The following NBAS variants were observed in gnomAD, a reference collection of about 807,000 sequenced individuals.
The protein encoded by NBAS is NBAS subunit of NRZ tethering complex.
Under a neutral mutation model 302.5 loss-of-function variants are expected in NBAS, and 219 were observed. The ratio of observed to expected loss-of-function variants is 0.72; its 90% CI spans 0.65 to 0.81. NBAS has a LOEUF of 0.81. NBAS is among the 30% of genes least tolerant of loss of function. NBAS has a pLI of 0.00. For synonymous variants in NBAS, 1,118 were observed against 1,021.6 expected (o/e 1.09, Z -1.80); for missense variants, 2,932 against 2,841.6 (o/e 1.03, Z -0.72).
intron 10 of NBAS, among the ~76,000 whole-genome samples, chr2:15,504,657 T>C (rs1024946573): frequency 1.3e-5 from 2 of 152,154 alleles, no homozygotes; most frequent in African/African-American, 2.4e-5. Flanking sequence ...TAATTTAATA[T>C]AACACATGAC....
chr2:15,328,437 T>C (rs1672177033), intron 36 of NBAS, 125 bp from the exon 37 acceptor site: 2 of 782,748 alleles, frequency 2.6e-6, no homozygotes, highest in East Asian at 2.5e-5. Flanking sequence ...AAGAAACTGG[T>C]AATGCCTGCT....
chr2:15,062,614 G>C, the NBAS span, among the ~76,000 whole-genome samples: 1 of 152,196 alleles, frequency 6.6e-6, no homozygotes, highest in African/African-American at 2.4e-5. Context: ...AAATTATAGA[G>C]AGTGGTGAGG....
the NBAS span, among the ~76,000 whole-genome samples, chr2:15,077,518 G>A: frequency 6.6e-6 from 1 of 152,160 alleles, no homozygotes; most frequent in Non-Finnish European, 1.5e-5. Context: ...CCATCGAAGA[G>A]ATTATTGTTC....
chr2:15,253,967 G>T (rs1668472040), intron 44 of NBAS, among the ~76,000 whole-genome samples: 1 of 152,158 alleles, frequency 6.6e-6, no homozygotes, highest in East Asian at 1.9e-4. Flanking sequence ...AACCGCCTTT[G>T]TAAAGTGAGT....
chr2:14,838,300 T>A, the NBAS span, among the ~76,000 whole-genome samples: 1 of 152,040 alleles, frequency 6.6e-6, no homozygotes, highest in Non-Finnish European at 1.5e-5. Context: ...TGTCTTCTGC[T>A]ATACTTTTCA....
chr2:14,837,915 A>G, the NBAS span, among the ~76,000 whole-genome samples: 1 of 151,770 alleles, frequency 6.6e-6, no homozygotes, highest in South Asian at 2.1e-4. Flanking sequence ...CTGGAAAATC[A>G]TTTGCTTTTA....
intron 44 of NBAS, among the ~76,000 whole-genome samples, chr2:15,248,370 AC>A (rs1463664987): frequency 6.6e-6 from 1 of 152,216 alleles, no homozygotes; most frequent in Non-Finnish European, 1.5e-5. Context: ...TAAAGTTGAC[AC>A]CCTGACATCA....
At chr2:14,924,064 A>G in the NBAS span, among the ~76,000 whole-genome samples, 1 of 152,190 alleles carries the variant, frequency 6.6e-6, no homozygotes, top group Non-Finnish European at 1.5e-5. Context: ...CACACAGAAT[A>G]CATCTGCCAC....
the NBAS span, among the ~76,000 whole-genome samples, chr2:14,895,299 A>C: frequency 6.6e-6 from 1 of 152,304 alleles, no homozygotes; most frequent in Non-Finnish European, 1.5e-5. Context: ...TTTGACAAGA[A>C]GGTAAATATT....
chr2:15,099,057 A>G, the NBAS span, among the ~76,000 whole-genome samples: 3 of 152,258 alleles, frequency 2.0e-5, no homozygotes, highest in Non-Finnish European at 2.9e-5. Context: ...CTGTAATCCC[A>G]GCACTTTGGG....
chr2:15,417,698 C>CA lies in NBAS; in HGVS notation c.2591dup (p.Leu864PhefsTer20), dbSNP rs1229622920. 3.1e-6 allele frequency: 5 copies of CA among 1,613,890 alleles called. No homozygotes were observed. The highest frequency in any genetic ancestry group is 4.2e-6 in the Non-Finnish European group (5 of 1,179,876). Reference sequence around the variant, plus strand: ...GCTCCATCCCAAGTCGAATAAGTGACAATGCACAGTCCACCTAAAATTGAA... The same window carrying CA: ...GCTCCATCCCAAGTCGAATAAGTGACAAATGCACAGTCCACCTAAAATTGAA... On this transcript the variant is annotated frameshift_variant, in exon 24 of 52. Coordinates refer to ENST00000281513, the MANE Select transcript of NBAS (RefSeq NM_015909.4). LOFTEE classifies it high-confidence loss of function.
chr2:14,953,272 G>A, the NBAS span, among the ~76,000 whole-genome samples: 1 of 152,196 alleles, frequency 6.6e-6, no homozygotes, highest in Admixed American at 6.5e-5. Flanking sequence ...CTGTATCAGG[G>A]AGGATGATGA....
chr2:15,554,832 A>G (rs1294444438), intron 3 of NBAS, among the ~76,000 whole-genome samples: 2 of 151,972 alleles, frequency 1.3e-5, no homozygotes, highest in African/African-American at 2.4e-5. Flanking sequence ...GTAAAAGTCC[A>G]AGTCTGTACT....
At chr2:15,342,824 T>C (rs1672917634) in intron 35 of NBAS, among the ~76,000 whole-genome samples, 1 of 152,072 alleles carries the variant, frequency 6.6e-6, no homozygotes, top group Admixed American at 6.6e-5. Flanking sequence ...CCGGATAATG[T>C]CAATATCCCT....
chr2:15,482,199 C>A (rs1426119043), intron 12 of NBAS, among the ~76,000 whole-genome samples: 2 of 152,156 alleles, frequency 1.3e-5, no homozygotes, highest in Non-Finnish European at 2.9e-5. Flanking sequence ...GGCGTGGTCA[C>A]GGCTCACTAC....
rs373687613 is a variant in NBAS, at chr2:15,523,376, CT to C, written c.746+11166del. 1.4e-4 allele frequency among the ~76,000 whole-genome samples: 21 copies of C among 152,208 alleles called. No individual in the cohort carries two copies. In the East Asian group the frequency reaches 2.5e-3, roughly 18 times the overall value. ...TGCATCTGTACTGAACATGTATAGA[CT>C]TTTTTTCTTGTCATTCTCTAAACAA... On this transcript the variant is annotated intron_variant, in intron 9 of 51. Coordinates refer to ENST00000281513, the MANE Select transcript of NBAS (RefSeq NM_015909.4).
At chr2:14,975,075 G>A in the NBAS span, among the ~76,000 whole-genome samples, 58 of 152,160 alleles carry the variant, frequency 3.8e-4, no homozygotes, top group Non-Finnish European at 7.5e-4. Context: ...CCAGGATGTC[G>A]GTCCTCCAAC....
intron 25 of NBAS, among the ~76,000 whole-genome samples, chr2:15,414,900 A>C (rs1047908596): frequency 6.6e-6 from 1 of 152,178 alleles, no homozygotes; most frequent in Non-Finnish European, 1.5e-5. Context: ...AGCCAAGATC[A>C]TGCCACTGCA....
At chr2:14,998,748 C>A in the NBAS span, among the ~76,000 whole-genome samples, 7 of 152,256 alleles carry the variant, frequency 4.6e-5, no homozygotes, top group African/African-American at 1.4e-4. Flanking sequence ...CTATGGGAAC[C>A]ATCCTGGAGA....
Sources: allele counts gnomAD v4.1 joint callset (sites outside exome capture counted in the v4.1 genomes callset), GRCh38; gene constraint gnomAD v4.1.1; transcripts MANE v1.5; gene names NCBI Gene and HGNC (gene_info 2026-07-23, HGNC 2026-07-21).